CSNK1G1: variants seen among roughly 807,000 people sequenced by gnomAD.
CSNK1G1 encodes casein kinase I isoform gamma-1.
A neutral mutation model predicts 59.6 loss-of-function variants in CSNK1G1; 22 were observed. That is an observed-to-expected ratio of 0.37 (90% CI 0.26 to 0.53). The LOEUF is 0.53. CSNK1G1 is among the 20% of genes least tolerant of loss of function. CSNK1G1 has a pLI of 0.89. For synonymous variants in CSNK1G1, 179 were observed against 177.1 expected, an observed-to-expected ratio of 1.01 and a Z score of -0.08; for missense variants, 384 against 519.5, an observed-to-expected ratio of 0.74 and a Z score of 2.54.
At chr15:64,199,280 A>G (rs1567368850) in intron 10 of CSNK1G1, among the ~76,000 whole-genome samples, 1 of 147,138 alleles carries the variant, frequency 6.8e-6, no homozygotes, top group South Asian at 2.1e-4. Context: ...AAAGAAAAAG[A>G]AAAGAAAAAG....
At chr15:64,241,707 T>C (rs900761184) in intron 4 of CSNK1G1, among the ~76,000 whole-genome samples, 8 of 151,830 alleles carry the variant, frequency 5.3e-5, no homozygotes, top group African/African-American at 1.5e-4. Flanking sequence ...TGAATAACTA[T>C]AGTGTCAATA....
chr15:64,306,044 A>G (rs1235536623), intron 1 of CSNK1G1, among the ~76,000 whole-genome samples: 3 of 152,218 alleles, frequency 2.0e-5, no homozygotes, highest in African/African-American at 7.2e-5. Flanking sequence ...AACTCCTACT[A>G]TATGCCATAG....
In CSNK1G1 at chr15:64,177,069, T is replaced by G. The variant is rs373113388; in HGVS notation, c.1214+3279A>C. 4.0e-4 allele frequency among the ~76,000 whole-genome samples: 61 copies of G among 152,322 alleles called. 1 individual carries two copies. In the East Asian group the frequency reaches 0.011, roughly 28 times the overall value. ...AAACCATAAACAAGGACATATGTCC[T>G]GGAGCTAGAGAAAAAGGGAATTCAC... On this transcript the variant is annotated intron_variant, in intron 11 of 11. Coordinates refer to ENST00000303052, the MANE Select transcript of CSNK1G1 (RefSeq NM_022048.5).
chr15:64,244,902 C>A (rs72756953), intron 4 of CSNK1G1, among the ~76,000 whole-genome samples: 6,722 of 152,170 alleles, frequency 0.044, 194 homozygotes, highest in South Asian at 0.085. Flanking sequence ...TACAAAGCTA[C>A]AGTAACCAAA....
At chr15:64,192,210 G>A (rs1330986193) in intron 10 of CSNK1G1, among the ~76,000 whole-genome samples, 4 of 152,186 alleles carry the variant, frequency 2.6e-5, no homozygotes, top group Non-Finnish European at 5.9e-5. Flanking sequence ...CACTCAAGAG[G>A]TGCATGAGTA....
chr15:64,268,750 G>A (rs1198852525), intron 2 of CSNK1G1, among the ~76,000 whole-genome samples: 2 of 152,130 alleles, frequency 1.3e-5, no homozygotes, highest in African/African-American at 4.8e-5. Flanking sequence ...GCCACGGAAT[G>A]ACATTCCTCC....
At chr15:64,340,331 A>G (rs557560093) in intron 1 of CSNK1G1, among the ~76,000 whole-genome samples, 1 of 152,298 alleles carries the variant, frequency 6.6e-6, no homozygotes, top group Non-Finnish European at 1.5e-5. Flanking sequence ...TGTTGTTTTA[A>G]TGATTTTTTT....
Position 64,216,773 on chromosome 15 carries a change from T to C in CSNK1G1, c.293-60A>G. On this transcript the variant is annotated intron_variant, in intron 4 of 11. Transcript: ENST00000303052. This position sits in a 1 kb window ranked among gnomAD's most constrained non-coding sequence, Gnocchi z 4.6. ...GAGACACAAAAGCCAAAATATGAGATAACAGTATTAGCACTGAATAAAATA... is the reference window on the plus strand; with the variant it reads ...GAGACACAAAAGCCAAAATATGAGACAACAGTATTAGCACTGAATAAAATA... 4 of 1,418,622 alleles carry C rather than the reference T, an allele frequency of 2.8e-6. No individual in the cohort carries two copies. Among genetic ancestry groups the C allele is most frequent in the Non-Finnish European group, 4.0e-6 (4 of 1,011,154 alleles). The allele number at this position is 1,418,622 out of a possible 1,614,324, so 87.9% of individuals were successfully genotyped here.
At chr15:64,338,113 T>A (rs1407365859) in intron 1 of CSNK1G1, among the ~76,000 whole-genome samples, 2 of 152,204 alleles carry the variant, frequency 1.3e-5, no homozygotes, top group Non-Finnish European at 2.9e-5. Context: ...TTTAGATATA[T>A]GCCTAAGAGA....
rs1238435630 is a variant in CSNK1G1, at chr15:64,181,451, C to T, written c.1108-997G>A. The T allele has an allele frequency of 2.0e-6, 3 of 1,503,888 alleles. No homozygotes were observed. In the East Asian group the frequency reaches 7.4e-5, roughly 37 times the overall value. The allele number at this position is 1,503,888 out of a possible 1,614,324, so 93.2% of individuals were successfully genotyped here. On this transcript the variant is annotated intron_variant, in intron 10 of 11. Coordinates refer to ENST00000303052, the MANE Select transcript of CSNK1G1 (RefSeq NM_022048.5). ...CTTGGCTGAAACATGGGAGAGAACA[C>T]AAAATAGGATAAACAATTTGGATAT...
intron 1 of CSNK1G1, among the ~76,000 whole-genome samples, chr15:64,323,071 C>T (rs1400018664): frequency 3.3e-5 from 5 of 151,922 alleles, no homozygotes; most frequent in South Asian, 4.2e-4. Context: ...TACAGGCTCA[C>T]GCCACTATGC....
At chr15:64,352,744 C>T (rs912891583) in intron 1 of CSNK1G1, among the ~76,000 whole-genome samples, 1 of 151,326 alleles carries the variant, frequency 6.6e-6, no homozygotes, top group African/African-American at 2.4e-5. Flanking sequence ...CATGCCTGGC[C>T]TAATTTCAAC....
chr15:64,243,803 G>A (rs1891603739), intron 4 of CSNK1G1, among the ~76,000 whole-genome samples: 1 of 152,008 alleles, frequency 6.6e-6, no homozygotes, highest in African/African-American at 2.4e-5. Context: ...CTGAGAAGTG[G>A]AGGTTGCAGT....
intron 10 of CSNK1G1, among the ~76,000 whole-genome samples, chr15:64,197,117 G>T (rs147098563): frequency 2.0e-5 from 3 of 152,250 alleles, no homozygotes; most frequent in South Asian, 4.2e-4. Context: ...CTCTTACAAG[G>T]CTCCAATTTG....
At chr15:64,323,925 C>G (rs1432500821) in intron 1 of CSNK1G1, among the ~76,000 whole-genome samples, 3 of 152,130 alleles carry the variant, frequency 2.0e-5, no homozygotes, top group African/African-American at 7.2e-5. Context: ...CCATCTAAAC[C>G]TTATTGGGCC....
chr15:64,202,054 GGTGT>G (rs905160160), intron 10 of CSNK1G1, among the ~76,000 whole-genome samples: 17 of 151,848 alleles, frequency 1.1e-4, no homozygotes, highest in African/African-American at 2.4e-4. Flanking sequence ...TTGATTTTTT[GGTGT>G]GTGTTTGCCT....
chr15:64,319,487 T>C (rs1880936677), intron 1 of CSNK1G1, among the ~76,000 whole-genome samples: 3 of 152,306 alleles, frequency 2.0e-5, no homozygotes, highest in Non-Finnish European at 4.4e-5. Flanking sequence ...GTGATTGCTT[T>C]ATGGAAGCAA....
chr15:64,263,903 A>G (rs1892841207), intron 2 of CSNK1G1, among the ~76,000 whole-genome samples: 1 of 151,710 alleles, frequency 6.6e-6, no homozygotes, highest in African/African-American at 2.4e-5. Flanking sequence ...CCAATTTCAT[A>G]AACTTCTACC....
intron 1 of CSNK1G1, among the ~76,000 whole-genome samples, chr15:64,326,642 TC>T (rs1290744461): frequency 3.4e-5 from 5 of 146,782 alleles, no homozygotes; most frequent in Non-Finnish European, 6.0e-5. Context: ...AAACTCTGTA[TC>T]AAAAAAAAAA....
Sources: gnomAD v4.1 joint callset for allele counts (sites outside exome capture counted in the v4.1 genomes callset) on GRCh38, gnomAD v4.1.1 for gene constraint, Gnocchi (gnomAD v3.1) non-coding constraint, MANE v1.5 for transcripts, NCBI Gene and HGNC (gene_info 2026-07-23, HGNC 2026-07-21) for gene names.